RDX: variants seen among roughly 807,000 people sequenced by gnomAD.
RDX encodes the protein radixin, also known as deafness, autosomal recessive 24.
In RDX, 32 loss-of-function variants were observed where a neutral mutation model predicts 83.7. The observed-to-expected ratio is 0.38, with a 90% confidence interval of 0.29 to 0.51. The LOEUF is 0.51. RDX is among the 20% of genes least tolerant of loss of function. The pLI, the probability that RDX is intolerant of heterozygous loss-of-function variation, is 0.87. For missense variants in RDX, 600 were observed against 689.9 expected (o/e 0.87, Z 1.46); for synonymous variants, 229 against 222.7 (o/e 1.03, Z -0.25).
chr11:110,271,453 T>G (rs759999184), intron 3 of RDX, among the ~76,000 whole-genome samples: 11 of 152,222 alleles, frequency 7.2e-5, no homozygotes, highest in Non-Finnish European at 1.5e-4. Context: ...ATATACCACC[T>G]TCCTCTGTCT....
At chr11:110,229,161 A>G (rs1237152149), downstream of RDX, among the ~76,000 whole-genome samples, 1 of 151,994 alleles carries the variant, frequency 6.6e-6, no homozygotes, top group Non-Finnish European at 1.5e-5. Flanking sequence ...CCTCAGGAAA[A>G]AGAAACTAAC....
intron 10 of RDX, among the ~76,000 whole-genome samples, chr11:110,239,000 G>A (rs1429044989): frequency 6.6e-6 from 1 of 151,214 alleles, no homozygotes; most frequent in Non-Finnish European, 1.5e-5. Context: ...CTTTGGTTAG[G>A]CTTTGGTTAG....
chr11:110,251,622 A>C (rs987103098), intron 9 of RDX, among the ~76,000 whole-genome samples: 1 of 152,148 alleles, frequency 6.6e-6, no homozygotes, highest in Admixed American at 6.5e-5. Flanking sequence ...GCTAACCTAC[A>C]ATTGGTACAT....
At chr11:110,241,321 G>T (rs1321593940) in intron 10 of RDX, among the ~76,000 whole-genome samples, 2 of 151,648 alleles carry the variant, frequency 1.3e-5, no homozygotes, top group African/African-American at 4.8e-5. Flanking sequence ...ATTTGAGATG[G>T]AGTCTCACTC....
intron 11 of RDX, chr11:110,236,462 A>G (rs1258294460): frequency 2.9e-6 from 1 of 349,614 alleles, no homozygotes; most frequent in Admixed American, 4.4e-5. Context: ...GTAACTTAAA[A>G]GCTTTTTTAA....
At position 110,255,868 on chromosome 11, in the gene RDX, G is replaced by A. The variant is rs928466244; in HGVS notation, c.699-483C>T. Among the ~76,000 whole-genome samples the A allele has an allele frequency of 1.3e-4, 20 of 152,162 alleles. No individual in the cohort carries two copies. In the Middle Eastern group the frequency reaches 0.017, roughly 129 times the overall value. On this transcript the variant is annotated intron_variant, in intron 7 of 13. Transcript: ENST00000645495. The stretch of plus-strand genomic sequence containing the variant: ...AATTTGAAAATGTCTGGATATTCAC[G>A]AATATACTAAAAATACTTAATTTTC...
At chr11:110,254,274 T>G (rs1297484259) in intron 8 of RDX, among the ~76,000 whole-genome samples, 165 bp from the exon 9 acceptor site, 1 of 152,208 alleles carries the variant, frequency 6.6e-6, no homozygotes, top group Non-Finnish European at 1.5e-5. Flanking sequence ...CATGACATAC[T>G]TTCACATAAC....
chr11:110,190,376 G>A (rs962433577), intron 15 of RDX, among the ~76,000 whole-genome samples: 1 of 152,170 alleles, frequency 6.6e-6, no homozygotes, highest in African/African-American at 2.4e-5. Flanking sequence ...AGCAGAGGCT[G>A]CAGTAAGCCG....
intron 14 of RDX, among the ~76,000 whole-genome samples, chr11:110,211,231 G>C (rs1863824766): frequency 6.6e-6 from 1 of 152,074 alleles, no homozygotes; most frequent in Non-Finnish European, 1.5e-5. Flanking sequence ...AAGATCAAAA[G>C]AGACAAGGCC....
intron 15 of RDX, among the ~76,000 whole-genome samples, chr11:110,186,297 A>G (rs1169873764): frequency 6.6e-6 from 1 of 152,226 alleles, no homozygotes; most frequent in Non-Finnish European, 1.5e-5. Context: ...GAAGAAATCC[A>G]GCCAACAGGG....
At chr11:110,210,813 C>A (rs1375837103) in intron 14 of RDX, among the ~76,000 whole-genome samples, 2 of 151,946 alleles carry the variant, frequency 1.3e-5, no homozygotes, top group Admixed American at 1.3e-4. Context: ...ACCACCAGGC[C>A]TGCCTTACAA....
At position 110,231,996 on chromosome 11, in the gene RDX, G is replaced by T. The variant is rs760462619; in HGVS notation, c.1625C>A (p.Thr542Asn). Residue 542 changes from threonine (T) to asparagine (N), a missense_variant, in exon 14 of 14, where the codon ACC becomes AAC. Coordinates refer to ENST00000645495, the MANE Select transcript of RDX (RefSeq NM_002906.4). ...AAGAACATCATTTTGTGTTTTCTTG[G>T]TTTCATCTCTGGCTTGGGCTAATTC... ...SSELAQARDE[T>N]KKTQNDVLHA... The T allele has an allele frequency of 9.9e-6, 16 of 1,613,820 alleles. No individual in the cohort carries two copies. In the Admixed American group the frequency reaches 1.3e-4, roughly 13 times the overall value.
chr11:110,213,034 G>C (rs1402194981), intron 14 of RDX, among the ~76,000 whole-genome samples: 1 of 149,276 alleles, frequency 6.7e-6, no homozygotes, highest in Non-Finnish European at 1.5e-5. Flanking sequence ...TAGGAAAAGA[G>C]GAAGTCAAAT....
At chr11:110,238,924 CAA>C (rs35514627) in intron 10 of RDX, among the ~76,000 whole-genome samples, 6 of 70,790 alleles carry the variant, frequency 8.5e-5, no homozygotes, top group South Asian at 4.3e-4. Context: ...GACTCTGTCT[CAA>C]AAAAAAAAAA....
intron 15 of RDX, among the ~76,000 whole-genome samples, chr11:110,189,635 A>C (rs1173780388): frequency 6.6e-6 from 1 of 152,196 alleles, no homozygotes; most frequent in Non-Finnish European, 1.5e-5. Flanking sequence ...AAATTAAAAA[A>C]CCTGAAGTCA....
intron 15 of RDX, among the ~76,000 whole-genome samples, chr11:110,180,501 C>T (rs1007444674): frequency 6.6e-6 from 1 of 152,118 alleles, no homozygotes; most frequent in African/African-American, 2.4e-5. Flanking sequence ...TTCAGTTACC[C>T]ATTTCCCCGG....
chr11:110,250,092 T>C (rs1383838275), intron 9 of RDX, among the ~76,000 whole-genome samples: 2 of 152,096 alleles, frequency 1.3e-5, no homozygotes, highest in Non-Finnish European at 2.9e-5. Flanking sequence ...GGCAGAGAGA[T>C]TTAAGGAGAT....
chr11:110,234,060 G>A (rs1431392053), intron 12 of RDX, among the ~76,000 whole-genome samples: 1 of 152,148 alleles, frequency 6.6e-6, no homozygotes, highest in Non-Finnish European at 1.5e-5. Context: ...TTACACTGTT[G>A]TCCTGGTGTA....
intron 10 of RDX, among the ~76,000 whole-genome samples, chr11:110,246,159 G>T (rs896500955): frequency 6.6e-6 from 1 of 152,050 alleles, no homozygotes; most frequent in African/African-American, 2.4e-5. Context: ...ACCTCCTAAA[G>T]TGCTGGGATT....
Sources: gnomAD v4.1 joint callset for allele counts (sites outside exome capture counted in the v4.1 genomes callset) on GRCh38, gnomAD v4.1.1 for gene constraint, MANE v1.5 for transcripts, NCBI Gene and HGNC (gene_info 2026-07-23, HGNC 2026-07-21) for gene names.